The following PDZRN4 variants were observed in gnomAD, a reference collection of about 807,000 sequenced individuals.
PDZRN4 encodes PDZ domain containing ring finger 4, also known as PDZ domain-containing RING finger protein 4.
A neutral mutation model predicts 99.0 loss-of-function variants in PDZRN4; 70 were observed. The ratio of observed to expected loss-of-function variants is 0.71; its 90% confidence interval spans 0.58 to 0.86. The LOEUF is 0.86. PDZRN4 is among the 40% of genes least tolerant of loss of function. The pLI is 0.00. For synonymous variants in PDZRN4, 551 were observed against 501.6 expected, an observed-to-expected ratio of 1.10 and a Z score of -1.32; for missense variants, 1,474 against 1,331.2, an observed-to-expected ratio of 1.11 and a Z score of -1.67.
intron 5 of PDZRN4, among the ~76,000 whole-genome samples, chr12:41,520,820 A>G (rs934377425): frequency 3.9e-4 from 59 of 152,238 alleles, no homozygotes; most frequent in Admixed American, 3.1e-3. Flanking sequence ...TTTAAATACA[A>G]CAACAAATAA....
chr12:41,412,235 A>G (rs1952405493), intron 3 of PDZRN4: 1 of 152,188 alleles, frequency 6.6e-6, no homozygotes, highest in Non-Finnish European at 1.5e-5. Flanking sequence ...TTCCAAGGTC[A>G]CTTCATGGTC....
chr12:41,440,797 A>G (rs17121146), intron 3 of PDZRN4, among the ~76,000 whole-genome samples: 2,351 of 152,272 alleles, frequency 0.015, 22 homozygotes, highest in African/African-American at 0.022. Flanking sequence ...TTTTATCTAC[A>G]GTGATTTATT....
rs185672824 is a variant in PDZRN4, at chr12:41,306,204, C to T, written c.843+112016C>T. Among the ~76,000 whole-genome samples the T allele has an allele frequency of 5.9e-5, 9 of 152,298 alleles. No individual in the cohort carries two copies. The East Asian group carries it at 7.7e-4, about 13-fold the overall frequency. On this transcript the variant is annotated intron_variant, in intron 3 of 9. Transcript: ENST00000402685. ...ACAGCTCAGGGAGCCACCCCTCAAG[C>T]GGTGGCTCTCTGTGGTAGCCCTGGC...
At chr12:41,323,772 A>G (rs190542309) in intron 3 of PDZRN4, among the ~76,000 whole-genome samples, 37 of 152,090 alleles carry the variant, frequency 2.4e-4, no homozygotes, top group Non-Finnish European at 4.4e-5. Flanking sequence ...GCACATTTAT[A>G]TGGTAATACA....
In PDZRN4 at chr12:41,188,685, T is replaced by G; in HGVS notation, c.230T>G (p.Leu77Arg). The change falls in exon 1 of 10, where the codon CTG becomes CGG. Residue 77 changes from leucine to arginine, a missense_variant. Transcript: ENST00000402685. The stretch of plus-strand genomic sequence containing the variant: ...CCGCTGCGCAGCCTCATCCAGAAGC[T>G]GCGAGTCCAGTGCGACTACCGCGCC... ...VLPLRSLIQK[L>R]RVQCDYRARG... 3 of 1,558,970 alleles carry G rather than the reference T, an allele frequency of 1.9e-6. No individual in the cohort carries two copies. The highest frequency in any genetic ancestry group is 2.6e-6 in the Non-Finnish European group (3 of 1,161,410).
Position 41,194,069 on chromosome 12 carries a change from T to C in PDZRN4, c.736-12T>C, listed in dbSNP as rs1424025739. On this transcript the variant is annotated splice_polypyrimidine_tract_variant and intron_variant, in intron 2 of 9. Coordinates refer to ENST00000402685, the MANE Select transcript of PDZRN4 (RefSeq NM_001164595.2). ...TTACATCTTTCTTCTGCTAATGATT[T>C]TTTAAAAATAGAATAATCAGGAAGG... 1 of 1,257,778 alleles carries C rather than the reference T, an allele frequency of 8.0e-7. No individual in the cohort carries two copies. Among genetic ancestry groups the C allele is most frequent in the Non-Finnish European group, 1.1e-6 (1 of 873,538 alleles). The allele number at this position is 1,257,778 out of a possible 1,614,324, so 77.9% of individuals were successfully genotyped here.
Position 41,402,152 on chromosome 12 carries a change from G to GTGTATA in PDZRN4, c.844-104303_844-104302insGTATAT, listed in dbSNP as rs1337952809. Among the ~76,000 whole-genome samples, 17 of 37,766 alleles carry GTGTATA rather than the reference G, an allele frequency of 4.5e-4. No individual in the cohort carries two copies. The East Asian group carries it at 6.0e-3, about 13-fold the overall frequency. The allele number at this position is 37,766 out of a possible 152,430, so 24.8% of individuals were successfully genotyped here. A position where few individuals can be genotyped will look rare whatever the true frequency, so the allele number is the denominator to read the frequency against. On this transcript the variant is annotated intron_variant, in intron 3 of 9. Coordinates refer to ENST00000402685, the MANE Select transcript of PDZRN4 (RefSeq NM_001164595.2). ...ATATATATATATATACACACACTGA[G>GTGTATA]TATATATATATATATACACACTGAG... is the stretch of plus-strand genomic sequence containing the variant.
chr12:41,453,845 T>C lies in PDZRN4; in HGVS notation c.844-52611T>C, dbSNP rs1952795676. On this transcript the variant is annotated intron_variant, in intron 3 of 9. Transcript: ENST00000402685. ...GGTTTCCCCCATTTATTAAGTGCTTTAATTAGCAGGTTTACGAAACAGAGT... is the reference window on the plus strand; with the variant it reads ...GGTTTCCCCCATTTATTAAGTGCTTCAATTAGCAGGTTTACGAAACAGAGT... Among the ~76,000 whole-genome samples the C allele has an allele frequency of 2.1e-5, 3 of 141,258 alleles. No homozygotes were observed. The South Asian group carries it at 6.8e-4, about 32-fold the overall frequency. 92.7% of individuals were successfully genotyped at this position (141,258 alleles called of 152,430 possible). A position where few individuals can be genotyped will look rare whatever the true frequency, so the allele number is the denominator to read the frequency against.
intron 3 of PDZRN4, among the ~76,000 whole-genome samples, chr12:41,457,981 A>G (rs2255404): frequency 0.52 from 78,570 of 151,990 alleles, 20,859 homozygotes; most frequent in African/African-American, 0.65. Context: ...TGAGAAGAGC[A>G]GGGAAAAGGG....
At chr12:41,452,354 G>A (rs1286011301) in intron 3 of PDZRN4, among the ~76,000 whole-genome samples, 2 of 151,732 alleles carry the variant, frequency 1.3e-5, no homozygotes, top group South Asian at 2.1e-4. Context: ...CAGGAGAATG[G>A]TGTGAACCTG....
At chr12:41,459,414 C>T (rs970237881) in intron 3 of PDZRN4, among the ~76,000 whole-genome samples, 13 of 152,254 alleles carry the variant, frequency 8.5e-5, no homozygotes, top group African/African-American at 2.9e-4. Context: ...TTGGCCAACC[C>T]AGTAATGCAG....
At chr12:41,457,376 G>A (rs1413825555) in intron 3 of PDZRN4, among the ~76,000 whole-genome samples, 1 of 152,156 alleles carries the variant, frequency 6.6e-6, no homozygotes. Flanking sequence ...AAGTGGGATG[G>A]GAATGTAATG....
chr12:41,418,082 C>A (rs1434552164), intron 3 of PDZRN4, among the ~76,000 whole-genome samples: 1 of 151,826 alleles, frequency 6.6e-6, no homozygotes, highest in Non-Finnish European at 1.5e-5. Context: ...AGAATTTATG[C>A]AGTTCTAATA....
intron 3 of PDZRN4, chr12:41,438,086 T>G: frequency 2.0e-6 from 3 of 1,506,478 alleles, no homozygotes; most frequent in Non-Finnish European, 2.8e-6. Context: ...AAATGAATTC[T>G]GGCTAGCTTT....
intron 3 of PDZRN4, among the ~76,000 whole-genome samples, chr12:41,219,615 G>C (rs1950941028): frequency 6.6e-6 from 1 of 152,020 alleles, no homozygotes. Flanking sequence ...TATTAAAGCT[G>C]CCTCCCGAGA....
chr12:41,350,845 TTGTC>T (rs10533040), intron 3 of PDZRN4, among the ~76,000 whole-genome samples: 71,116 of 151,546 alleles, frequency 0.47, 17,526 homozygotes, highest in Middle Eastern at 0.65. Context: ...GGACTGGAGT[TTGTC>T]TGACCCAGAA....
chr12:41,347,509 T>A (rs965473763), intron 3 of PDZRN4, among the ~76,000 whole-genome samples: 6 of 152,170 alleles, frequency 3.9e-5, no homozygotes, highest in Non-Finnish European at 2.9e-5. Context: ...TTTTTGTTGT[T>A]GACATGTAAG....
chr12:41,561,960 G>A (rs146991938), intron 7 of PDZRN4, among the ~76,000 whole-genome samples: 221 of 152,192 alleles, frequency 1.5e-3, no homozygotes, highest in African/African-American at 5.1e-3. Context: ...GAGAAAAAAG[G>A]CCTTGGAGTC....
chr12:41,302,216 A>G (rs1033955563), intron 3 of PDZRN4, among the ~76,000 whole-genome samples: 1 of 152,112 alleles, frequency 6.6e-6, no homozygotes, highest in Admixed American at 6.6e-5. Flanking sequence ...CCTCAAATAT[A>G]ACATTTCTTT....
Sources: gnomAD v4.1 joint callset for allele counts (sites outside exome capture counted in the v4.1 genomes callset) on GRCh38, gnomAD v4.1.1 for gene constraint, MANE v1.5 for transcripts, NCBI Gene and HGNC (gene_info 2026-07-23, HGNC 2026-07-21) for gene names.